Variants in SRCIN1 observed in about 807,000 individuals in gnomAD.
SRCIN1 encodes P130Cas-associated protein.
In SRCIN1, 50 loss-of-function variants were observed where a neutral mutation model predicts 116.2. The observed-to-expected ratio is 0.43, with a 90% confidence interval of 0.34 to 0.54. The LOEUF (loss-of-function observed/expected upper bound fraction) is 0.54. SRCIN1 is among the 20% of genes least tolerant of loss of function. SRCIN1 has a pLI of 0.02. For missense variants in SRCIN1, 1,446 were observed against 1,672.0 expected, an observed-to-expected ratio of 0.86 and a Z score of 2.36; for synonymous variants, 736 against 750.0, an observed-to-expected ratio of 0.98 and a Z score of 0.30.
intron 1 of SRCIN1, among the ~76,000 whole-genome samples, chr17:38,597,977 A>T (rs2143447051): frequency 6.6e-6 from 1 of 152,042 alleles, no homozygotes; most frequent in South Asian, 2.1e-4. Flanking sequence ...CTGCCTCTCT[A>T]ATAGCCCCTT....
intron 17 of SRCIN1, 64 bp downstream of exon 17, chr17:38,548,493 G>T (rs1289531769): frequency 6.3e-7 from 1 of 1,590,124 alleles, no homozygotes; most frequent in Non-Finnish European, 8.5e-7. Flanking sequence ...CCTGGCCTGG[G>T]GGGCAGCCTG....
At chr17:38,561,354 A>G (rs1039585560) in intron 7 of SRCIN1, 109 bp downstream of exon 7, 176 of 1,292,702 alleles carry the variant, frequency 1.4e-4, no homozygotes, top group Non-Finnish European at 1.3e-4. Flanking sequence ...TCTCCAAAGG[A>G]CTCCAGGATC....
chr17:38,564,690 CATTA>C (rs1459507888), intron 3 of SRCIN1, among the ~76,000 whole-genome samples: 1 of 135,862 alleles, frequency 7.4e-6, no homozygotes, highest in African/African-American at 2.8e-5. Flanking sequence ...TAGTTCCAGA[CATTA>C]ATTAAGTGGC....
intron 3 of SRCIN1, among the ~76,000 whole-genome samples, chr17:38,566,902 T>TTCCTTCC (rs1567869321): frequency 4.0e-4 from 7 of 17,440 alleles, no homozygotes; most frequent in Admixed American, 8.6e-4. Context: ...TCCTTCCTTC[T>TTCCTTCC]TTCCTTCCTT....
chr17:38,587,887 C>T (rs951015271), intron 1 of SRCIN1, among the ~76,000 whole-genome samples: 4 of 152,108 alleles, frequency 2.6e-5, no homozygotes, highest in East Asian at 1.9e-4. Context: ...AAATCAGCCC[C>T]GTGCCCAGAA....
At chr17:38,592,893 AG>A (rs1567883639) in intron 1 of SRCIN1, among the ~76,000 whole-genome samples, 1 of 152,124 alleles carries the variant, frequency 6.6e-6, no homozygotes. Context: ...TAAGGAGCAC[AG>A]GAAGTGAGGT....
At position 38,564,286 on chromosome 17, in the gene SRCIN1, C is replaced by T. The variant is rs566327211; in HGVS notation, c.373G>A (p.Ala125Thr). ...GCCTGGTCTGCCAGCCCGGGCTGGG[C>T]TCCCTGAGTGTGGCGTGAGCTGCGG... ...KTRSSRHTQG[A>T]QPGLADQAAK... Residue 125 changes from alanine to threonine, a missense_variant, in exon 4 of 19, where the codon GCC becomes ACC. Coordinates refer to ENST00000617146, the MANE Select transcript of SRCIN1 (RefSeq NM_025248.3). 14 of 1,568,242 alleles carry T rather than the reference C, an allele frequency of 8.9e-6. No individual in the cohort carries two copies. The highest frequency in any genetic ancestry group is 1.3e-5 in the African/African-American group (1 of 74,112).
intron 1 of SRCIN1, among the ~76,000 whole-genome samples, chr17:38,588,458 A>G (rs1274245114): frequency 2.0e-5 from 3 of 152,206 alleles, no homozygotes; most frequent in African/African-American, 7.2e-5. Flanking sequence ...TGTCAGCTCC[A>G]CATCTCCTTG....
intron 1 of SRCIN1, among the ~76,000 whole-genome samples, chr17:38,586,001 C>G (rs980489824): frequency 2.4e-4 from 36 of 152,262 alleles, no homozygotes; most frequent in African/African-American, 8.4e-4. Context: ...TCAGGCTCCA[C>G]TTCAGGAGAG....
At chr17:38,561,430 C>A in intron 7 of SRCIN1, 33 bp downstream of exon 7, 14 of 1,476,712 alleles carry the variant, frequency 9.5e-6, no homozygotes, top group Non-Finnish European at 1.3e-5. Flanking sequence ...ACCCCCCACC[C>A]CCAGTCCCTG....
rs140562158 is a variant in SRCIN1, at chr17:38,565,801, G to A, written c.346-1488C>T. Among the ~76,000 whole-genome samples, 521 of 152,318 alleles carry A rather than the reference G, an allele frequency of 3.4e-3. 4 individuals carry two copies. The highest frequency in any genetic ancestry group is 6.8e-3 in the Middle Eastern group (2 of 294). On this transcript the variant is annotated intron_variant, in intron 3 of 18. Coordinates refer to ENST00000617146, the MANE Select transcript of SRCIN1 (RefSeq NM_025248.3). ...AGATCAGACGTGGGGACATCAGGGAGCTTCCCCTCTCAAGCATAATGCCTT... is the reference window on the plus strand; with the variant it reads ...AGATCAGACGTGGGGACATCAGGGAACTTCCCCTCTCAAGCATAATGCCTT...
chr17:38,574,693 A>ATTAG (rs935237618), intron 2 of SRCIN1, among the ~76,000 whole-genome samples: 19 of 152,288 alleles, frequency 1.2e-4, no homozygotes, highest in African/African-American at 4.6e-4. Context: ...GTGGCAGGGA[A>ATTAG]TTAGACATCG....
intron 15 of SRCIN1, 86 bp downstream of exon 15, chr17:38,551,069 T>C (rs2471622): frequency 0.13 from 79,273 of 614,542 alleles, 13,281 homozygotes; most frequent in African/African-American, 0.64. Flanking sequence ...GATCTTGAGA[T>C]CCCAGTGCCT....
chr17:38,588,606 G>C (rs1045782065), intron 1 of SRCIN1, among the ~76,000 whole-genome samples: 2 of 152,172 alleles, frequency 1.3e-5, no homozygotes, highest in African/African-American at 4.8e-5. Flanking sequence ...TCTCCCCAGG[G>C]GGCACTCCAG....
At position 38,551,243 on chromosome 17, in the gene SRCIN1, C is replaced by A. The variant is rs369732094; in HGVS notation, c.2874G>T (p.Pro958=). 11 of 1,611,604 alleles carry A rather than the reference C, an allele frequency of 6.8e-6. No homozygotes were observed. Among genetic ancestry groups the A allele is most frequent in the Non-Finnish European group, 8.5e-6 (10 of 1,178,878 alleles). ...LDCASKAHPG[P]APTPDHKPPK... ...GGGGCTTGTGATCTGGAGTGGGGGC[C>A]GGGCCTGGATGGGCCTTGCTGGCAC... The change falls in exon 15 of 19, where the codon CCG becomes CCT. Residue 958 remains proline (P), a synonymous_variant. Transcript: ENST00000617146.
intron 1 of SRCIN1, among the ~76,000 whole-genome samples, chr17:38,583,740 A>G (rs565365072): frequency 5.1e-4 from 77 of 151,720 alleles, no homozygotes; most frequent in Non-Finnish European, 6.9e-4. Context: ...TTTAGTAGAG[A>G]CGGAGTTTCA....
rs1906473567 is a variant in SRCIN1 at position 38,563,929 on chromosome 17, G to A, written c.541+189C>T. On this transcript the variant is annotated intron_variant, in intron 4 of 18. Transcript: ENST00000617146. This position sits in a 1 kb window ranked among gnomAD's most constrained non-coding sequence, Gnocchi z 5.8. ...AGAGAGGAGGCTTGGAGGGAAAGGGGTCGGGTGGGGATGCTGAGGGCGAGA... is the reference window on the plus strand; with the variant it reads ...AGAGAGGAGGCTTGGAGGGAAAGGGATCGGGTGGGGATGCTGAGGGCGAGA... 1 of 654,614 alleles carries A rather than the reference G, an allele frequency of 1.5e-6. No individual in the cohort carries two copies. The highest frequency in any genetic ancestry group is 2.7e-5 in the East Asian group (1 of 36,668). The allele number at this position is 654,614 out of a possible 1,614,324, so 40.6% of individuals were successfully genotyped here.
intron 1 of SRCIN1, among the ~76,000 whole-genome samples, chr17:38,587,715 G>C (rs993024935): frequency 4.6e-5 from 7 of 152,096 alleles, no homozygotes; most frequent in Admixed American, 4.6e-4. Context: ...CAGCAGCAAG[G>C]CAGAAACACC....
rs557619641 is a variant in SRCIN1 at position 38,530,918 on chromosome 17, G to A, written c.*2379C>T. 2 of 152,418 alleles carry A rather than the reference G, an allele frequency of 1.3e-5. No individual in the cohort carries two copies. The highest frequency in any genetic ancestry group is 2.9e-5 in the Non-Finnish European group (2 of 68,054). The allele number at this position is 152,418 out of a possible 1,614,324, so 9.4% of individuals were successfully genotyped here. A position where few individuals can be genotyped will look rare whatever the true frequency, so the allele number is the denominator to read the frequency against. ...GGCCCCATGCGTCTGCACACACAGT[G>A]CATGGGCTTGTGCCAGCACACACAC... On this transcript the variant is annotated 3_prime_UTR_variant, in exon 19 of 19. Coordinates refer to ENST00000617146, the MANE Select transcript of SRCIN1 (RefSeq NM_025248.3).
Sources: allele counts gnomAD v4.1 joint callset (sites outside exome capture counted in the v4.1 genomes callset), GRCh38; gene constraint gnomAD v4.1.1; non-coding constraint Gnocchi (gnomAD v3.1); transcripts MANE v1.5; gene names NCBI Gene and HGNC (gene_info 2026-07-23, HGNC 2026-07-21).